The following BTLA variants were observed in gnomAD, a reference collection of about 807,000 sequenced individuals.
BTLA encodes the protein B- and T-lymphocyte attenuator.
Under a neutral mutation model 25.0 loss-of-function variants are expected in BTLA, and 11 were observed. The observed-to-expected ratio is 0.44, with a 90% confidence interval of 0.28 to 0.73. BTLA has a LOEUF of 0.73. BTLA is among the 30% of genes least tolerant of loss of function. The pLI, the probability that BTLA is intolerant of heterozygous loss-of-function variation, is 0.15. For synonymous variants in BTLA, 104 were observed against 119.8 expected, an observed-to-expected ratio of 0.87 and a Z score of 0.86; for missense variants, 282 against 332.8, an observed-to-expected ratio of 0.85 and a Z score of 1.19.
intron 2 of BTLA, among the ~76,000 whole-genome samples, chr3:112,475,316 G>A (rs1389751673): frequency 6.6e-6 from 1 of 152,048 alleles, no homozygotes; most frequent in South Asian, 2.1e-4. Flanking sequence ...AACTGACAAG[G>A]CCCTTCATGT....
intron 1 of BTLA, among the ~76,000 whole-genome samples, chr3:112,497,693 G>C (rs980035224): frequency 1.3e-5 from 2 of 152,008 alleles, no homozygotes; most frequent in African/African-American, 4.8e-5. Flanking sequence ...AAAGATGTTT[G>C]AGTAACTAAG....
intron 1 of BTLA, among the ~76,000 whole-genome samples, chr3:112,490,289 A>G (rs150373178): frequency 4.3e-4 from 66 of 152,340 alleles, no homozygotes; most frequent in African/African-American, 1.5e-3. Flanking sequence ...ACCTGGAGAA[A>G]ATTAAGTAAG....
At chr3:112,489,565 T>C (rs1187579393) in intron 1 of BTLA, among the ~76,000 whole-genome samples, 2 of 152,192 alleles carry the variant, frequency 1.3e-5, no homozygotes, top group Non-Finnish European at 1.5e-5. Context: ...TGAATGCAGA[T>C]TGCCTTAACT....
At chr3:112,466,410 A>G in intron 4 of BTLA, 27 bp from the exon 5 acceptor site, 1 of 1,535,324 alleles carries the variant, frequency 6.5e-7, no homozygotes. Context: ...GATGGTTTTA[A>G]GTGACACTTA....
In BTLA at chr3:112,466,195, G is replaced by A. The variant is rs781267002; in HGVS notation, c.783C>T (p.Asn261=). ...NKPGIVYASL[N]HSVIGPNSRL... ...TTGAGTTCGGTCCAATGACAGAATGGTTCAGGGAAGCATAAACAATGCCTG... is the reference window on the plus strand; with the variant it reads ...TTGAGTTCGGTCCAATGACAGAATGATTCAGGGAAGCATAAACAATGCCTG... The change falls in exon 5 of 5, where the codon AAC becomes AAT. Residue 261 remains asparagine (N), a synonymous_variant. Coordinates refer to ENST00000334529, the MANE Select transcript of BTLA (RefSeq NM_181780.4). The A allele has an allele frequency of 1.2e-6, 2 of 1,613,892 alleles. No homozygotes were observed. Among genetic ancestry groups the A allele is most frequent in the Admixed American group, 3.3e-5 (2 of 60,000 alleles).
Position 112,479,582 on chromosome 3 carries a change from C to G in BTLA, c.276G>C (p.Glu92Asp), listed in dbSNP as rs771640885. 1.9e-6 allele frequency: 3 copies of G among 1,614,108 alleles called. No homozygotes were observed. Among genetic ancestry groups the G allele is most frequent in the South Asian group, 1.1e-5 (1 of 91,088 alleles). The change falls in exon 2 of 5, where the codon GAG (glutamate) becomes GAC (aspartate). Residue 92 changes from glutamate to aspartate, a missense_variant. Physicochemically the swap from Glu to Asp is conservative, Grantham distance 45. This residue lies in a region of BTLA where 163 missense variants were observed against 230.4 expected (regional missense o/e 0.71). Coordinates refer to ENST00000334529, the MANE Select transcript of BTLA (RefSeq NM_181780.4). ...LEDRQTSWKE[E>D]KNISFFILHF... Reference sequence around the variant, plus strand: ...GTAGAATGAAAAATGAAATGTTCTTCTCTTCCTTCCAACTTGTTTGTCTAT... The same window carrying G: ...GTAGAATGAAAAATGAAATGTTCTTGTCTTCCTTCCAACTTGTTTGTCTAT...
chr3:112,493,903 G>A (rs2082394036), intron 1 of BTLA, among the ~76,000 whole-genome samples: 1 of 152,186 alleles, frequency 6.6e-6, no homozygotes, highest in Non-Finnish European at 1.5e-5. Flanking sequence ...ATGAGGTCAG[G>A]AGATCAAGAC....
chr3:112,475,766 A>C (rs966308219), intron 2 of BTLA, among the ~76,000 whole-genome samples: 3 of 152,096 alleles, frequency 2.0e-5, no homozygotes, highest in African/African-American at 7.2e-5. Context: ...ATGCCTCAAA[A>C]TTTAATTTTA....
Position 112,471,201 on chromosome 3 carries a change from A to G in BTLA, c.547+11T>C. 1.2e-6 allele frequency: 2 copies of G among 1,613,520 alleles called. No individual in the cohort carries two copies. The highest frequency in any genetic ancestry group is 1.7e-6 in the Non-Finnish European group (2 of 1,179,658). The stretch of plus-strand genomic sequence containing the variant: ...GTGTGGTACTGGGGGCAGAGGGAAA[A>G]TAGAACCCACCTTGGTGCCTTCTCA... On this transcript the variant is annotated intron_variant, in intron 3 of 4. Transcript: ENST00000334529.
chr3:112,467,420 A>T (rs924016972), intron 4 of BTLA, among the ~76,000 whole-genome samples: 1 of 152,148 alleles, frequency 6.6e-6, no homozygotes, highest in East Asian at 1.9e-4. Flanking sequence ...GACAAAGAAG[A>T]TGTGTTCATT....
At chr3:112,467,690 TGTG>T in intron 4 of BTLA, among the ~76,000 whole-genome samples, 1 of 152,340 alleles carries the variant, frequency 6.6e-6, no homozygotes, top group African/African-American at 2.4e-5. Context: ...CACCCTCTGA[TGTG>T]GTGGCTGCCC....
chr3:112,495,305 T>A (rs995266064), intron 1 of BTLA, among the ~76,000 whole-genome samples: 1 of 152,230 alleles, frequency 6.6e-6, no homozygotes, highest in Non-Finnish European at 1.5e-5. Context: ...AAAATGATTA[T>A]TTTTTGGACC....
chr3:112,477,912 T>G (rs1457782518), intron 2 of BTLA, among the ~76,000 whole-genome samples: 1 of 152,038 alleles, frequency 6.6e-6, no homozygotes, highest in Non-Finnish European at 1.5e-5. Context: ...GGTACCCTTA[T>G]CAAAAATCAA....
intron 1 of BTLA, among the ~76,000 whole-genome samples, chr3:112,496,512 C>A (rs2082409824): frequency 1.3e-5 from 2 of 152,114 alleles, no homozygotes; most frequent in Non-Finnish European, 2.9e-5. Context: ...GGGAAAAAAT[C>A]TTCAAAGGCT....
chr3:112,471,301 C>T lies in BTLA; in HGVS notation c.458G>A (p.Trp153Ter), dbSNP rs1354103931. 7 of 1,613,996 alleles carry T rather than the reference C, an allele frequency of 4.3e-6. No individual in the cohort carries two copies. Residue 153 changes from tryptophan to a stop codon, truncating the protein, a stop_gained, in exon 3 of 5, where the codon TGG becomes TAG. Transcript: ENST00000334529. LOFTEE classifies it high-confidence loss of function. Reference sequence around the variant, plus strand: ...CAAAGGAAGTAAACGATACAGGAGCCAGGGTCTGCTTGCCATTTCGTCCTT... The same window carrying T: ...CAAAGGAAGTAAACGATACAGGAGCTAGGGTCTGCTTGCCATTTCGTCCTT... Reference protein sequence around the residue: ...PSKDEMASRPWLLYRLLPLGG... With the variant: ...PSKDEMASRP
chr3:112,497,397 A>C (rs2082415056), intron 1 of BTLA, among the ~76,000 whole-genome samples: 1 of 152,232 alleles, frequency 6.6e-6, no homozygotes, highest in East Asian at 1.9e-4. Flanking sequence ...TGGCAGAGCC[A>C]GTAAATTAAC....
chr3:112,487,396 C>A (rs1430686705), intron 1 of BTLA, among the ~76,000 whole-genome samples: 2 of 152,104 alleles, frequency 1.3e-5, no homozygotes, highest in African/African-American at 2.4e-5. Context: ...ACCAGCCTAA[C>A]CAACATGGAG....
chr3:112,478,841 A>G (rs1393027356), intron 2 of BTLA, among the ~76,000 whole-genome samples: 1 of 152,152 alleles, frequency 6.6e-6, no homozygotes, highest in Non-Finnish European at 1.5e-5. Context: ...GGTTTCCCCA[A>G]GCTTAACTTC....
At chr3:112,476,872 C>A (rs1022647634) in intron 2 of BTLA, among the ~76,000 whole-genome samples, 2 of 152,136 alleles carry the variant, frequency 1.3e-5, no homozygotes, top group Non-Finnish European at 2.9e-5. Context: ...CCCTGGCAAC[C>A]ACCAAGCTAC....
Sources: allele counts gnomAD v4.1 joint callset (sites outside exome capture counted in the v4.1 genomes callset), GRCh38; gene constraint gnomAD v4.1.1; regional missense constraint gnomAD v4.1.1; transcripts MANE v1.5; gene names NCBI Gene and HGNC (gene_info 2026-07-23, HGNC 2026-07-21).